RGP1: variants seen among roughly 807,000 people sequenced by gnomAD.
The protein encoded by RGP1 is RAB6A-GEF complex partner protein 2.
Under a neutral mutation model 44.5 loss-of-function variants are expected in RGP1, and 28 were observed. The ratio of observed to expected loss-of-function variants is 0.63; its 90% CI spans 0.47 to 0.86. The LOEUF is 0.86. Among genes scored for constraint, RGP1 ranks in the 40% least tolerant of loss-of-function variants. The probability of loss-of-function intolerance (pLI) is 0.00; values close to 1 mark genes in which losing one functional copy is unlikely to be tolerated. For missense variants in RGP1, 417 were observed against 490.7 expected, an observed-to-expected ratio of 0.85 and a Z score of 1.42; for synonymous variants, 212 against 196.7, an observed-to-expected ratio of 1.08 and a Z score of -0.65.
the RGP1 span, among the ~76,000 whole-genome samples, chr9:35,770,260 T>C: frequency 6.6e-6 from 1 of 152,312 alleles, no homozygotes; most frequent in East Asian, 1.9e-4. Context: ...TGAGCACCTA[T>C]GTGGATGATA....
the RGP1 span, among the ~76,000 whole-genome samples, chr9:35,766,238 T>C: frequency 6.6e-6 from 1 of 152,092 alleles, no homozygotes; most frequent in Non-Finnish European, 1.5e-5. Flanking sequence ...TTAATGACAT[T>C]GAGCATCTTT....
intron 5 of RGP1, 42 bp from the exon 6 acceptor site, chr9:35,751,224 C>T (rs1570248): frequency 0.67 from 1,073,123 of 1,607,544 alleles, 359,339 homozygotes; most frequent in East Asian, 0.79. Flanking sequence ...CTCTCATCTC[C>T]GTTCCCTCTC....
the RGP1 span, among the ~76,000 whole-genome samples, chr9:35,786,433 G>A: frequency 1.3e-5 from 2 of 152,180 alleles, no homozygotes; most frequent in Non-Finnish European, 2.9e-5. Context: ...GTGGTAATAG[G>A]AAAATAGGGA....
chr9:35,777,819 G>A, the RGP1 span, among the ~76,000 whole-genome samples: 7 of 152,148 alleles, frequency 4.6e-5, no homozygotes, highest in African/African-American at 1.7e-4. Flanking sequence ...TTCACCATGT[G>A]TGTTTATCTA....
chr9:35,783,585 C>T, the RGP1 span, among the ~76,000 whole-genome samples: 2 of 151,852 alleles, frequency 1.3e-5, no homozygotes, highest in Non-Finnish European at 2.9e-5. Context: ...GGTATAATGT[C>T]CTCCAGGCTC....
Position 35,751,695 on chromosome 9 carries a change from C to T in RGP1, c.703C>T (p.Leu235Phe). The T allele has an allele frequency of 6.2e-7, 1 of 1,613,862 alleles. No homozygotes were observed. The highest frequency in any genetic ancestry group is 8.5e-7 in the Non-Finnish European group (1 of 1,179,768). Residue 235 changes from leucine (L) to phenylalanine (F), a missense_variant, in exon 7 of 9, where the codon CTT (leucine) becomes TTT (phenylalanine). By Grantham distance (22) the Leu-to-Phe change is conservative (BLOSUM62 0). Coordinates refer to ENST00000378078, the MANE Select transcript of RGP1 (RefSeq NM_001080496.3). ...TGGCATCTTCAAATCTGTGTACAGA[C>T]TTGGCGAGGACGTGGTGGGGACCTT... ...TFGIFKSVYR[L>F]GEDVVGTLNL...
rs2132037479 is a variant in RGP1, at chr9:35,754,121, T to G, written c.*1247T>G. 1 of 1,612,830 alleles carries G rather than the reference T, an allele frequency of 6.2e-7. No homozygotes were observed. Among genetic ancestry groups the G allele is most frequent in the East Asian group, 2.2e-5 (1 of 44,856 alleles). On this transcript the variant is annotated 3_prime_UTR_variant, in exon 9 of 9. Transcript: ENST00000378078. ...TGGCCTGTCCAGCCCAGAGCATCCT[T>G]AGGGCCATTGCTGCTGCACAGCCCT...
chr9:35,768,478 A>G, the RGP1 span, among the ~76,000 whole-genome samples: 1 of 152,180 alleles, frequency 6.6e-6, no homozygotes, highest in East Asian at 1.9e-4. Context: ...CACAGAGACT[A>G]TGAAGGGTTT....
the RGP1 span, among the ~76,000 whole-genome samples, chr9:35,766,627 T>G: frequency 6.6e-6 from 1 of 152,230 alleles, no homozygotes; most frequent in African/African-American, 2.4e-5. Context: ...AGCTTTTACA[T>G]TTAGGTCTTT....
At chr9:35,760,488 T>G (rs1563976068), downstream of RGP1, among the ~76,000 whole-genome samples, 1 of 152,204 alleles carries the variant, frequency 6.6e-6, no homozygotes, top group African/African-American at 2.4e-5. Flanking sequence ...TCTACTCCAG[T>G]GTATAGAATT....
chr9:35,754,068 A>G lies in RGP1; in HGVS notation c.*1194A>G. 3 of 1,613,828 alleles carry G rather than the reference A, an allele frequency of 1.9e-6. No individual in the cohort carries two copies. The highest frequency in any genetic ancestry group is 1.1e-5 in the South Asian group (1 of 91,080). ...GAGGAGTAGAGACATCACCAAGCAG[A>G]TGATCCCCCAGCCTCCTAGGATCCC... On this transcript the variant is annotated 3_prime_UTR_variant, in exon 9 of 9. Coordinates refer to ENST00000378078, the MANE Select transcript of RGP1 (RefSeq NM_001080496.3).
the RGP1 span, among the ~76,000 whole-genome samples, chr9:35,779,153 G>T: frequency 6.6e-6 from 1 of 152,158 alleles, no homozygotes; most frequent in Non-Finnish European, 1.5e-5. Flanking sequence ...CTAATAATTG[G>T]ATCAGAGCTC....
chr9:35,761,872 G>A (rs1827419876), downstream of RGP1, among the ~76,000 whole-genome samples: 1 of 152,106 alleles, frequency 6.6e-6, no homozygotes, highest in Admixed American at 6.5e-5. Context: ...TACTGACTCT[G>A]ACTGGGTGTG....
At position 35,749,787 on chromosome 9, in the gene RGP1, G is replaced by T; in HGVS notation, c.32G>T (p.Gly11Val). Residue 11 changes from glycine (G) to valine (V), a missense_variant, in exon 2 of 9, where the codon GGT becomes GTT. Transcript: ENST00000378078. This position sits in a 1 kb window ranked among gnomAD's most constrained non-coding sequence, Gnocchi z 4.4. Reference sequence around the variant, plus strand: ...GAAGTGGTAGCAGAGCTCAGCCGGGGTCCTGTATTTTTGGCTGGGGAGGCG... The same window carrying T: ...GAAGTGGTAGCAGAGCTCAGCCGGGTTCCTGTATTTTTGGCTGGGGAGGCG... MIEVVAELSR[G>V]PVFLAGEALE... 3 of 1,613,894 alleles carry T rather than the reference G, an allele frequency of 1.9e-6. No individual in the cohort carries two copies. The highest frequency in any genetic ancestry group is 2.5e-6 in the Non-Finnish European group (3 of 1,179,794).
In RGP1 at chr9:35,753,772, G is replaced by C. The variant is rs775240015; in HGVS notation, c.*898G>C. 1 of 1,611,632 alleles carries C rather than the reference G, an allele frequency of 6.2e-7. No homozygotes were observed. The highest frequency in any genetic ancestry group is 1.1e-5 in the South Asian group (1 of 90,956). ...TTCCCCTCATAGTGACAGGGGGCTAGGGAAGAACGGGAAATGTTAGTAGGT... is the reference window on the plus strand; with the variant it reads ...TTCCCCTCATAGTGACAGGGGGCTACGGAAGAACGGGAAATGTTAGTAGGT... On this transcript the variant is annotated 3_prime_UTR_variant, in exon 9 of 9. Coordinates refer to ENST00000378078, the MANE Select transcript of RGP1 (RefSeq NM_001080496.3). This position sits in a 1 kb window ranked among gnomAD's most constrained non-coding sequence, Gnocchi z 4.2.
chr9:35,784,506 A>G, the RGP1 span, among the ~76,000 whole-genome samples: 1 of 152,054 alleles, frequency 6.6e-6, no homozygotes, highest in African/African-American at 2.4e-5. Flanking sequence ...CTGGAGTGCA[A>G]TGGCACTATT....
chr9:35,782,314 T>G, the RGP1 span, among the ~76,000 whole-genome samples: 1 of 152,216 alleles, frequency 6.6e-6, no homozygotes, highest in Non-Finnish European at 1.5e-5. Flanking sequence ...TCAAGAGTCA[T>G]TGTTTAGTCA....
At chr9:35,761,903 C>T (rs189869942), downstream of RGP1, among the ~76,000 whole-genome samples, 54 of 152,218 alleles carry the variant, frequency 3.5e-4, 1 homozygote, top group East Asian at 0.01. Flanking sequence ...CCTGTAATCC[C>T]AGCACTTTGG....
At chr9:35,759,085 T>C (rs1314863020), downstream of RGP1, among the ~76,000 whole-genome samples, 1 of 152,228 alleles carries the variant, frequency 6.6e-6, no homozygotes, top group East Asian at 1.9e-4. Flanking sequence ...TTTCCATTAC[T>C]TTTCCTACAA....
Sources: gnomAD v4.1 joint callset for allele counts (sites outside exome capture counted in the v4.1 genomes callset) on GRCh38, gnomAD v4.1.1 for gene constraint, Gnocchi (gnomAD v3.1) non-coding constraint, MANE v1.5 for transcripts, NCBI Gene and HGNC (gene_info 2026-07-23, HGNC 2026-07-21) for gene names.